ZNF772: variants seen among roughly 807,000 people sequenced by gnomAD.
The protein encoded by ZNF772 is zinc finger protein 772.
A neutral mutation model predicts 11.0 loss-of-function variants in ZNF772; 8 were observed. The observed-to-expected ratio is 0.73, with a 90% CI of 0.43 to 1.31. ZNF772 has a LOEUF of 1.31. Ranked by LOEUF, ZNF772 falls within the 50% of genes most tolerant of loss-of-function variation. ZNF772 has a pLI of 0.01. For synonymous variants in ZNF772, 155 were observed against 180.4 expected (o/e 0.86, Z 1.13); for missense variants, 496 against 552.3 (o/e 0.90, Z 1.02).
rs373508369 is a variant in ZNF772 at position 57,475,614 on chromosome 19, G to A, written c.199+46C>T. On this transcript the variant is annotated intron_variant, in intron 3 of 3. Transcript: ENST00000356584. The surrounding 1 kb of genome is among the most constrained non-coding windows in gnomAD (Gnocchi z 4.2). ...AAAGATGCCCTGAAAAAAAGGGGAA[G>A]GGCAGGACCCAGTCCAAGTCACTGG... 9.6e-4 allele frequency: 1,545 copies of A among 1,612,662 alleles called. No homozygotes were observed. Among genetic ancestry groups the A allele is most frequent in the Non-Finnish European group, 1.3e-3 (1,477 of 1,179,042 alleles).
rs1290477607 is a variant in ZNF772 at position 57,476,810 on chromosome 19, T to A, written c.34-138A>T. 1.2e-5 allele frequency: 9 copies of A among 748,642 alleles called. No individual in the cohort carries two copies. The Middle Eastern group carries it at 1.6e-3, about 137-fold the overall frequency. The allele number at this position is 748,642 out of a possible 1,614,324, so 46.4% of individuals were successfully genotyped here. The stretch of plus-strand genomic sequence containing the variant: ...CCCTCTGTGCTTCCATCTTCAAGGA[T>A]ACCTCTTAACTGTGTTAGCTCGGAA... On this transcript the variant is annotated intron_variant, in intron 1 of 3. Transcript: ENST00000356584.
rs1444235782 is a variant in ZNF772 at position 57,473,458 on chromosome 19, T to C, written c.1163A>G (p.Asn388Ser). 7.4e-6 allele frequency: 12 copies of C among 1,614,104 alleles called. No individual in the cohort carries two copies. The highest frequency in any genetic ancestry group is 9.3e-6 in the Non-Finnish European group (11 of 1,180,014). The change falls in exon 4 of 4, where the codon AAT becomes AGT. Residue 388 changes from asparagine (N) to serine (S), a missense_variant. Physicochemically the swap from Asn to Ser is conservative, Grantham distance 46. Coordinates refer to ENST00000356584, the MANE Select transcript of ZNF772 (RefSeq NM_001144068.2). The part of the protein sequence containing the change: ...SDLIAHQRVH[N>S]GEKPYVCSEC... ...ACTGCACACATAAGGCTTTTCACCA[T>C]TATGAACTCTTTGATGTGCAATAAG...
At position 57,477,549 on chromosome 19, in the gene ZNF772, G is replaced by A. The variant is rs111636646; in HGVS notation, c.-240C>T. The A allele has an allele frequency of 1.9e-5, 9 of 474,956 alleles. 1 individual carries two copies. The highest frequency in any genetic ancestry group is 1.0e-4 in the African/African-American group (5 of 49,908). The allele number at this position is 474,956 out of a possible 1,614,324, so 29.4% of individuals were successfully genotyped here. A position where few individuals can be genotyped will look rare whatever the true frequency, so the allele number is the denominator to read the frequency against. On this transcript the variant is annotated 5_prime_UTR_variant, in exon 1 of 4. Transcript: ENST00000356584. Reference sequence around the variant, plus strand: ...AAAGCAAACAAAATGTCCACCCGAGGATGGTAGAGGAAGTCCCGCCCTGAC... The same window carrying A: ...AAAGCAAACAAAATGTCCACCCGAGAATGGTAGAGGAAGTCCCGCCCTGAC...
rs1225176269 is a variant in ZNF772 at position 57,474,235 on chromosome 19, T to C, written c.386A>G (p.Lys129Arg). The C allele has an allele frequency of 1.2e-6, 2 of 1,614,082 alleles. No homozygotes were observed. The highest frequency in any genetic ancestry group is 2.7e-5 in the African/African-American group (2 of 74,930). The part of the protein sequence containing the change: ...AEHQETHPGQ[K>R]PYMCVLCGKQ... ...CCCACACAGCACACACATGTATGGTTTCTGCCCTGGGTGTGTTTCCTGGTG... is the reference window on the plus strand; with the variant it reads ...CCCACACAGCACACACATGTATGGTCTCTGCCCTGGGTGTGTTTCCTGGTG... Residue 129 changes from lysine to arginine, a missense_variant, in exon 4 of 4, where the codon AAA (lysine) becomes AGA (arginine). Physicochemically the swap from Lys to Arg is conservative, Grantham distance 26. Transcript: ENST00000356584.
At chr19:57,474,845 A>G (rs181571954) in intron 3 of ZNF772, among the ~76,000 whole-genome samples, 2 of 152,374 alleles carry the variant, frequency 1.3e-5, no homozygotes, top group Admixed American at 1.3e-4. Flanking sequence ...GGCACTGTAG[A>G]ACAAGCCATG....
rs960275342 is a variant in ZNF772, at chr19:57,470,266, G to A, written c.*3008C>T. On this transcript the variant is annotated 3_prime_UTR_variant, in exon 4 of 4. Coordinates refer to ENST00000356584, the MANE Select transcript of ZNF772 (RefSeq NM_001144068.2). ...TAGTCCAAGCTACTCGGGAGGCTGA[G>A]GCAGGAGAATGGTGTGAACCCAGGA... The A allele has an allele frequency of 2.0e-5, 3 of 152,238 alleles. No individual in the cohort carries two copies. The highest frequency in any genetic ancestry group is 7.2e-5 in the African/African-American group (3 of 41,440). 9.4% of individuals were successfully genotyped at this position (152,238 alleles called of 1,614,324 possible). A position where few individuals can be genotyped will look rare whatever the true frequency, so the allele number is the denominator to read the frequency against.
rs569966504 is a variant in ZNF772, at chr19:57,472,996, T to C, written c.*278A>G. 7 of 460,208 alleles carry C rather than the reference T, an allele frequency of 1.5e-5. No individual in the cohort carries two copies. Among genetic ancestry groups the C allele is most frequent in the African/African-American group, 7.7e-5 (4 of 51,670 alleles). The allele number at this position is 460,208 out of a possible 1,614,324, so 28.5% of individuals were successfully genotyped here. The stretch of plus-strand genomic sequence containing the variant: ...ACAGAGGTCTGTCTTTTGAAACACA[T>C]TGGGGTTACTTTGGCACAAGGCAGG... On this transcript the variant is annotated 3_prime_UTR_variant, in exon 4 of 4. Transcript: ENST00000356584.
chr19:57,474,206 G>A lies in ZNF772; in HGVS notation c.415C>T (p.Gln139Ter). 6.2e-7 allele frequency: 1 copy of A among 1,614,188 alleles called. No individual in the cohort carries two copies. The highest frequency in any genetic ancestry group is 8.5e-7 in the Non-Finnish European group (1 of 1,180,010). The change falls in exon 4 of 4, where the codon CAG (glutamine) becomes TAG (stop). Residue 139 changes from glutamine (Q) to a stop codon, truncating the protein, a stop_gained. Transcript: ENST00000356584. LOFTEE classifies it low-confidence loss of function (END_TRUNC). ...TGAAGGTTTGCACTGAAGCAGAACT[G>A]TTTCCCACACAGCACACACATGTAT... ...KPYMCVLCGK[Q>*]FCFSANLHQH...
rs374961784 is a variant in ZNF772, at chr19:57,477,304, C to T, written c.6G>A (p.Ala2=). 1.7e-4 allele frequency: 275 copies of T among 1,613,716 alleles called. No homozygotes were observed. Among genetic ancestry groups the T allele is most frequent in the Non-Finnish European group, 2.1e-4 (249 of 1,179,924 alleles). The change falls in exon 1 of 4, where the codon GCG becomes GCA. Residue 2 remains alanine (A), a synonymous_variant. Transcript: ENST00000356584. ...GTGCCGGGCCCATCGGCTCAGCCGC[C>T]GCCATCAGGCCTGTGGACTACGGAA... M[A]AAEPMGPAQV... is the part of the protein sequence containing the mutation.
chr19:57,476,885 G>A (rs912493110), intron 1 of ZNF772, among the ~76,000 whole-genome samples: 2 of 152,194 alleles, frequency 1.3e-5, no homozygotes, highest in Non-Finnish European at 1.5e-5. Context: ...CCCTCCATGA[G>A]CAGTCTATGG....
Position 57,472,514 on chromosome 19 carries a change from A to G in ZNF772, c.*760T>C, listed in dbSNP as rs1270132515. 9.7e-6 allele frequency: 2 copies of G among 206,960 alleles called. No individual in the cohort carries two copies. The highest frequency in any genetic ancestry group is 1.4e-4 in the East Asian group (1 of 7,032). 12.8% of individuals were successfully genotyped at this position (206,960 alleles called of 1,614,324 possible). ...TGGCATTCTTTCCTAGGAGAGCTGAAGCAGTCAAGTAAGTTAGCTTGACAC... is the reference window on the plus strand; with the variant it reads ...TGGCATTCTTTCCTAGGAGAGCTGAGGCAGTCAAGTAAGTTAGCTTGACAC... On this transcript the variant is annotated 3_prime_UTR_variant, in exon 4 of 4. Transcript: ENST00000356584.
intron 1 of ZNF772, 68 bp downstream of exon 1, chr19:57,477,209 T>C: frequency 6.2e-7 from 1 of 1,606,532 alleles, no homozygotes; most frequent in Non-Finnish European, 8.5e-7. Flanking sequence ...ACCCGAGGAA[T>C]CGTTCATTCG....
rs1289637277 is a variant in ZNF772, at chr19:57,469,871, C to T, written c.*3403G>A. On this transcript the variant is annotated 3_prime_UTR_variant, in exon 4 of 4. Coordinates refer to ENST00000356584, the MANE Select transcript of ZNF772 (RefSeq NM_001144068.2). Reference sequence around the variant, plus strand: ...GAACATGTAACTCATACCAAGATAGCCCATATTCTGGGCCACAAAGCAAAT... The same window carrying T: ...GAACATGTAACTCATACCAAGATAGTCCATATTCTGGGCCACAAAGCAAAT... 1 of 152,172 alleles carries T rather than the reference C, an allele frequency of 6.6e-6. No individual in the cohort carries two copies. The highest frequency in any genetic ancestry group is 1.5e-5 in the Non-Finnish European group (1 of 68,034). The allele number at this position is 152,172 out of a possible 1,614,324, so 9.4% of individuals were successfully genotyped here.
chr19:57,475,251 C>A lies in ZNF772; in HGVS notation c.199+409G>T. 7.1e-7 allele frequency: 1 copy of A among 1,409,186 alleles called. No individual in the cohort carries two copies. Among genetic ancestry groups the A allele is most frequent in the Non-Finnish European group, 9.6e-7 (1 of 1,036,492 alleles). 87.3% of individuals were successfully genotyped at this position (1,409,186 alleles called of 1,614,324 possible). ...GTCTTGCAGGAATAGTGCAGTGGTC[C>A]TAGCAAGTAGCGACCATAATGGTCC... On this transcript the variant is annotated intron_variant, in intron 3 of 3. Coordinates refer to ENST00000356584, the MANE Select transcript of ZNF772 (RefSeq NM_001144068.2). This position sits in a 1 kb window ranked among gnomAD's most constrained non-coding sequence, Gnocchi z 4.2.
chr19:57,474,944 A>G lies in ZNF772; in HGVS notation c.200-523T>C, dbSNP rs1300984224. 5.6e-6 allele frequency: 9 copies of G among 1,595,502 alleles called. No homozygotes were observed. In the East Asian group the frequency reaches 2.0e-4, roughly 36 times the overall value. On this transcript the variant is annotated intron_variant, in intron 3 of 3. Coordinates refer to ENST00000356584, the MANE Select transcript of ZNF772 (RefSeq NM_001144068.2). The stretch of plus-strand genomic sequence containing the variant: ...TGAAAGGCCAGTGGCCTTAGCACTA[A>G]TACAACTGTAGGCACAAAGAGGCTA...
chr19:57,477,197 T>C, intron 1 of ZNF772, 80 bp downstream of exon 1: 1 of 1,595,406 alleles, frequency 6.3e-7, no homozygotes, highest in Non-Finnish European at 8.6e-7. Flanking sequence ...TGAGCTGCAG[T>C]AACCCGAGGA....
chr19:57,477,197 T>G (rs2089294120), intron 1 of ZNF772, 80 bp downstream of exon 1: 1 of 1,595,288 alleles, frequency 6.3e-7, no homozygotes, highest in Admixed American at 1.7e-5. Flanking sequence ...TGAGCTGCAG[T>G]AACCCGAGGA....
intron 3 of ZNF772, chr19:57,474,891 G>T: frequency 7.8e-7 from 1 of 1,275,750 alleles, no homozygotes; most frequent in Non-Finnish European, 1.1e-6. Flanking sequence ...CAGAGGTATG[G>T]AACATCCAGA....
Position 57,473,032 on chromosome 19 carries a change from C to T in ZNF772, c.*242G>A. The T allele has an allele frequency of 1.8e-6, 1 of 549,450 alleles. No individual in the cohort carries two copies. Among genetic ancestry groups the T allele is most frequent in the East Asian group, 2.9e-5 (1 of 34,112 alleles). The allele number at this position is 549,450 out of a possible 1,614,324, so 34.0% of individuals were successfully genotyped here. A position where few individuals can be genotyped will look rare whatever the true frequency, so the allele number is the denominator to read the frequency against. The stretch of plus-strand genomic sequence containing the variant: ...TTGGCACAAGGCAGGACTCTTCCAG[C>T]ACAAAGACAGATGGCTTCTAACAGG... On this transcript the variant is annotated 3_prime_UTR_variant, in exon 4 of 4. Coordinates refer to ENST00000356584, the MANE Select transcript of ZNF772 (RefSeq NM_001144068.2).
Sources: allele counts gnomAD v4.1 joint callset (sites outside exome capture counted in the v4.1 genomes callset), GRCh38; gene constraint gnomAD v4.1.1; non-coding constraint Gnocchi (gnomAD v3.1); transcripts MANE v1.5; gene names NCBI Gene and HGNC (gene_info 2026-07-23, HGNC 2026-07-21).